The following PDE4D variants were observed in gnomAD, a reference collection of about 807,000 sequenced individuals.
PDE4D encodes phosphodiesterase 4D, also known as 3',5'-cyclic-AMP phosphodiesterase 4D.
PDE4D carries 24 observed loss-of-function variants against 87.4 expected under a neutral mutation model. That is an observed-to-expected ratio of 0.27 (90% CI 0.20 to 0.39). PDE4D has a LOEUF of 0.39. Among genes scored for constraint, PDE4D ranks in the 10% least tolerant of loss-of-function variants. The pLI is 1.00. For synonymous variants in PDE4D, 384 were observed against 383.2 expected (o/e 1.00, Z -0.02); for missense variants, 714 against 1,041.0 (o/e 0.69, Z 4.32).
At chr5:59,597,080 A>G (rs1826798651) in intron 1 of PDE4D, among the ~76,000 whole-genome samples, 1 of 152,088 alleles carries the variant, frequency 6.6e-6, no homozygotes, top group African/African-American at 2.4e-5. Flanking sequence ...TGTTTCTGTT[A>G]ATTTCTGTAT....
At chr5:59,983,425 AT>A (rs138189943) in intron 3 of PDE4D, among the ~76,000 whole-genome samples, 6,845 of 152,176 alleles carry the variant, frequency 0.045, 494 homozygotes, top group African/African-American at 0.16. Flanking sequence ...TAAAGTAAAA[AT>A]TCAAGACACT....
chr5:59,814,055 G>A (rs1768691771), intron 1 of PDE4D, among the ~76,000 whole-genome samples: 1 of 152,190 alleles, frequency 6.6e-6, no homozygotes, highest in African/African-American at 2.4e-5. Context: ...ATTGCGCTTA[G>A]AAAAATAAGT....
chr5:59,455,802 C>T (rs1425160281), intron 1 of PDE4D, among the ~76,000 whole-genome samples: 5 of 152,206 alleles, frequency 3.3e-5, no homozygotes, highest in Non-Finnish European at 7.3e-5. Flanking sequence ...CCACCCTTTG[C>T]GTTAACATGA....
chr5:60,383,152 C>T (rs2150010166), intron 1 of PDE4D, among the ~76,000 whole-genome samples: 1 of 152,150 alleles, frequency 6.6e-6, no homozygotes, highest in South Asian at 2.1e-4. Flanking sequence ...ATTAGGTGGG[C>T]TGTTTTGTAC....
intron 2 of PDE4D, among the ~76,000 whole-genome samples, chr5:60,106,077 G>C (rs558603561): frequency 3.3e-5 from 5 of 152,150 alleles, no homozygotes; most frequent in South Asian, 4.2e-4. Flanking sequence ...TGGATAAAGG[G>C]TCAAGACCCA....
chr5:59,470,909 C>T (rs1802340037), intron 1 of PDE4D, among the ~76,000 whole-genome samples: 1 of 152,052 alleles, frequency 6.6e-6, no homozygotes, highest in Admixed American at 6.5e-5. Flanking sequence ...AAACTGTGAA[C>T]TGACCTCAAA....
intron 1 of PDE4D, among the ~76,000 whole-genome samples, chr5:59,807,266 G>T (rs1767846013): frequency 6.6e-6 from 1 of 152,194 alleles, no homozygotes; most frequent in Non-Finnish European, 1.5e-5. Flanking sequence ...TTCCTTTGCA[G>T]GATCCTTGGA....
chr5:59,847,054 A>T (rs1743968016), intron 1 of PDE4D, among the ~76,000 whole-genome samples: 1 of 152,016 alleles, frequency 6.6e-6, no homozygotes, highest in African/African-American at 2.4e-5. Context: ...TGGTGACATG[A>T]GAACAGGAAT....
chr5:60,267,162 G>A (rs1750304195), intron 1 of PDE4D, among the ~76,000 whole-genome samples: 8 of 152,124 alleles, frequency 5.3e-5, no homozygotes, highest in Admixed American at 5.2e-4. Context: ...TTAGAAATAT[G>A]ATTGGGAGGA....
intron 1 of PDE4D, among the ~76,000 whole-genome samples, chr5:60,193,757 A>C (rs1213929451): frequency 6.6e-6 from 1 of 151,338 alleles, no homozygotes; most frequent in Non-Finnish European, 1.5e-5. Flanking sequence ...TTTTTAAAAT[A>C]GTAAGTTAAC....
chr5:59,845,756 C>T (rs1402005393), intron 1 of PDE4D, among the ~76,000 whole-genome samples: 2 of 152,078 alleles, frequency 1.3e-5, no homozygotes, highest in African/African-American at 2.4e-5. Flanking sequence ...ATTCTATATA[C>T]AATTTACGGC....
At position 58,972,985 on chromosome 5, in the gene PDE4D, A is replaced by ATGCT. The variant is rs369662586; in HGVS notation, c.*1675_*1678dup. ...AAGAAGTAGTTCCCCTCTGCAAGAT[A>ATGCT]TGCTTATGGATCGAGGATAAGTGAT... On this transcript the variant is annotated 3_prime_UTR_variant, in exon 15 of 15. Coordinates refer to ENST00000340635, the MANE Select transcript of PDE4D (RefSeq NM_001104631.2). The ATGCT allele has an allele frequency of 2.0e-4, 31 of 152,314 alleles. No individual in the cohort carries two copies. Among genetic ancestry groups the ATGCT allele is most frequent in the African/African-American group, 7.5e-4 (31 of 41,564 alleles). 9.4% of individuals were successfully genotyped at this position (152,314 alleles called of 1,614,324 possible). A position where few individuals can be genotyped will look rare whatever the true frequency, so the allele number is the denominator to read the frequency against.
rs76230093 is a variant in PDE4D, at chr5:59,416,660, C to A, written c.456-200692G>T. Among the ~76,000 whole-genome samples, 658 of 152,270 alleles carry A rather than the reference C, an allele frequency of 4.3e-3. 2 individuals are homozygous for A. Among genetic ancestry groups the A allele is most frequent in the Non-Finnish European group, 7.6e-3 (519 of 68,012 alleles). ...TTTCAGGCATTCAGTGCATATGAAG[C>A]AATGTGTCCCCAAAGTTAGATCATC... is the stretch of plus-strand genomic sequence containing the variant. On this transcript the variant is annotated intron_variant, in intron 1 of 14. Transcript: ENST00000340635.
intron 2 of PDE4D, among the ~76,000 whole-genome samples, chr5:60,166,561 A>G (rs1197963320): frequency 6.6e-6 from 1 of 152,234 alleles, no homozygotes. Context: ...TTCTAAAGAT[A>G]TAAGTGATTT....
intron 1 of PDE4D, among the ~76,000 whole-genome samples, chr5:60,425,900 A>C (rs980878392): frequency 2.0e-5 from 3 of 152,254 alleles, no homozygotes; most frequent in African/African-American, 4.8e-5. Flanking sequence ...TCTCAAAAGA[A>C]GACATTTATG....
rs188182771 is a variant in PDE4D, at chr5:59,127,122, T to C, written c.808+53473A>G. The stretch of plus-strand genomic sequence containing the variant: ...TCACAACATGCCTGCAGTGTTCCCT[T>C]CCTAAACCAACTTTGCCATTTTCTC... On this transcript the variant is annotated intron_variant, in intron 5 of 14. Transcript: ENST00000340635. 1.3e-3 allele frequency among the ~76,000 whole-genome samples: 196 copies of C among 152,276 alleles called. 1 individual carries two copies. Among genetic ancestry groups the C allele is most frequent in the Non-Finnish European group, 5.6e-4 (38 of 68,018 alleles).
At chr5:59,965,339 A>G (rs1759921664) in intron 3 of PDE4D, among the ~76,000 whole-genome samples, 1 of 152,154 alleles carries the variant, frequency 6.6e-6, no homozygotes, top group Non-Finnish European at 1.5e-5. Flanking sequence ...GAGAAACTCT[A>G]GCAGCATGGT....
intron 2 of PDE4D, among the ~76,000 whole-genome samples, chr5:60,024,110 T>C (rs1766377365): frequency 6.6e-6 from 1 of 152,196 alleles, no homozygotes; most frequent in Admixed American, 6.5e-5. Flanking sequence ...GGATTTTTCC[T>C]TAAAAAATAA....
intron 1 of PDE4D, among the ~76,000 whole-genome samples, chr5:60,290,558 C>T (rs1400085014): frequency 2.6e-5 from 4 of 152,062 alleles, no homozygotes; most frequent in Non-Finnish European, 4.4e-5. Flanking sequence ...AATCCAAGCA[C>T]TTTAGGAGGC....
Sources: allele counts gnomAD v4.1 joint callset (sites outside exome capture counted in the v4.1 genomes callset), GRCh38; gene constraint gnomAD v4.1.1; transcripts MANE v1.5; gene names NCBI Gene and HGNC (gene_info 2026-07-23, HGNC 2026-07-21).